CIB2: variants seen among roughly 807,000 people sequenced by gnomAD.
CIB2 encodes calcium and integrin binding family member 2.
A neutral mutation model predicts 23.1 loss-of-function variants in CIB2; 19 were observed. That is an observed-to-expected ratio of 0.82 (90% confidence interval 0.57 to 1.21). CIB2 has a LOEUF of 1.21. Among genes scored for constraint, CIB2 ranks in the 50% most tolerant of loss-of-function variants. The pLI is 0.00. For synonymous variants in CIB2, 94 were observed against 91.7 expected, an observed-to-expected ratio of 1.03 and a Z score of -0.14; for missense variants, 220 against 241.5, an observed-to-expected ratio of 0.91 and a Z score of 0.59.
Position 78,109,424 on chromosome 15 carries a change from A to T in CIB2, c.199-42T>A, listed in dbSNP as rs951339640. On this transcript the variant is annotated intron_variant, in intron 3 of 5. Transcript: ENST00000258930. Reference sequence around the variant, plus strand: ...CAGCAATCACTGTGGGTGCAGGATAAGCAGGAGGGCCCCGGAGCCAGACTG... The same window carrying T: ...CAGCAATCACTGTGGGTGCAGGATATGCAGGAGGGCCCCGGAGCCAGACTG... The T allele has an allele frequency of 3.7e-6, 6 of 1,612,182 alleles. No individual in the cohort carries two copies. The African/African-American group carries it at 6.7e-5, about 18-fold the overall frequency.
At chr15:78,128,621 GCGGA>G (rs1315605493) in intron 1 of CIB2, among the ~76,000 whole-genome samples, 1 of 151,620 alleles carries the variant, frequency 6.6e-6, no homozygotes, top group African/African-American at 2.4e-5. Flanking sequence ...GAGCTGGGAT[GCGGA>G]GGTTGCAGTG....
At chr15:78,122,034 A>T (rs1419542908) in intron 2 of CIB2, among the ~76,000 whole-genome samples, 2 of 152,010 alleles carry the variant, frequency 1.3e-5, no homozygotes, top group Admixed American at 6.6e-5. Context: ...TCTTTCACCC[A>T]CACACTCTTC....
intron 2 of CIB2, among the ~76,000 whole-genome samples, chr15:78,116,345 T>C (rs988376957): frequency 1.3e-5 from 2 of 151,804 alleles, no homozygotes; most frequent in Admixed American, 1.3e-4. Context: ...TATGTGCCTA[T>C]AGTCCCAGCT....
intron 2 of CIB2, among the ~76,000 whole-genome samples, chr15:78,119,764 G>C (rs1185812820): frequency 6.6e-6 from 1 of 151,870 alleles, no homozygotes; most frequent in Non-Finnish European, 1.5e-5. Context: ...GTAGAGTTGG[G>C]GTTTCACCAT....
At chr15:78,106,269 G>A (rs2074069548) in intron 4 of CIB2, among the ~76,000 whole-genome samples, 2 of 152,230 alleles carry the variant, frequency 1.3e-5, no homozygotes, top group Admixed American at 6.5e-5. Context: ...TGGACCCAGT[G>A]TTCCCTTTAG....
At position 78,131,289 on chromosome 15, in the gene CIB2, C is replaced by T; in HGVS notation, c.-74G>A. 1.7e-6 allele frequency: 2 copies of T among 1,181,794 alleles called. No homozygotes were observed. Among genetic ancestry groups the T allele is most frequent in the Non-Finnish European group, 2.1e-6 (2 of 946,340 alleles). The allele number at this position is 1,181,794 out of a possible 1,614,324, so 73.2% of individuals were successfully genotyped here. On this transcript the variant is annotated 5_prime_UTR_variant, in exon 1 of 6. Transcript: ENST00000258930. This position sits in a 1 kb window ranked among gnomAD's most constrained non-coding sequence, Gnocchi z 5.8. ...GCGGCCGCCAGACCCGGAGCCAGCGCCCCGTGCCCGCGGCCCTCGGCAGCC... is the reference window on the plus strand; with the variant it reads ...GCGGCCGCCAGACCCGGAGCCAGCGTCCCGTGCCCGCGGCCCTCGGCAGCC...
intron 4 of CIB2, among the ~76,000 whole-genome samples, chr15:78,106,448 G>A (rs1247983815): frequency 6.6e-6 from 1 of 152,188 alleles, no homozygotes; most frequent in East Asian, 1.9e-4. Context: ...CAGAAGACAC[G>A]GTGGGTCAGG....
In CIB2 at chr15:78,131,038, C is replaced by G; in HGVS notation, c.51+127G>C. ...CACCGGCCCAAGGTCACGCGTCGAG[C>G]TGAAGGCAGAGGCAGGGTTTGAACC... On this transcript the variant is annotated intron_variant, in intron 1 of 5. Transcript: ENST00000258930. This position sits in a 1 kb window ranked among gnomAD's most constrained non-coding sequence, Gnocchi z 5.8. 2 of 710,440 alleles carry G rather than the reference C, an allele frequency of 2.8e-6. No individual in the cohort carries two copies. Among genetic ancestry groups the G allele is most frequent in the Non-Finnish European group, 2.1e-6 (1 of 466,142 alleles). 44.0% of individuals were successfully genotyped at this position (710,440 alleles called of 1,614,324 possible).
chr15:78,124,176 T>A (rs529916108), intron 1 of CIB2, among the ~76,000 whole-genome samples: 1 of 152,040 alleles, frequency 6.6e-6, no homozygotes, highest in East Asian at 1.9e-4. Context: ...CTGAGCATGG[T>A]GCTAGGGGGG....
At position 78,109,394 on chromosome 15, in the gene CIB2, A is replaced by G. The variant is rs750033532; in HGVS notation, c.199-12T>C. On this transcript the variant is annotated splice_polypyrimidine_tract_variant and intron_variant, in intron 3 of 5. Coordinates refer to ENST00000258930, the MANE Select transcript of CIB2 (RefSeq NM_006383.4). ...TTGAAGGGATTCTCCTGAAGAAAACACACACAGCAATCACTGTGGGTGCAG... is the reference window on the plus strand; with the variant it reads ...TTGAAGGGATTCTCCTGAAGAAAACGCACACAGCAATCACTGTGGGTGCAG... The G allele has an allele frequency of 3.1e-6, 5 of 1,613,784 alleles. No individual in the cohort carries two copies. In the African/African-American group the frequency reaches 6.7e-5, roughly 22 times the overall value.
chr15:78,117,821 T>C (rs1483782214), intron 2 of CIB2, among the ~76,000 whole-genome samples: 14 of 152,330 alleles, frequency 9.2e-5, no homozygotes, highest in Middle Eastern at 3.4e-3. Flanking sequence ...CTTCAGACTC[T>C]TGGGTTATTC....
At chr15:78,111,030 C>T (rs1439792220) in intron 3 of CIB2, 135 bp downstream of exon 3, 50 of 751,002 alleles carry the variant, frequency 6.7e-5, no homozygotes, top group Non-Finnish European at 4.7e-6. Flanking sequence ...AACTGAGGCA[C>T]AGAGAGGTTC....
chr15:78,105,550 T>C, intron 5 of CIB2, 189 bp downstream of exon 5: 1 of 1,478,390 alleles, frequency 6.8e-7, no homozygotes, highest in Non-Finnish European at 8.9e-7. Context: ...GGCCCCCAGG[T>C]CTTCAACCTT....
chr15:78,118,836 C>T lies in CIB2; in HGVS notation c.86+4869G>A, dbSNP rs192034589. Among the ~76,000 whole-genome samples the T allele has an allele frequency of 2.3e-3, 344 of 152,142 alleles. 4 individuals carry two copies. Among genetic ancestry groups the T allele is most frequent in the African/African-American group, 8.0e-3 (332 of 41,510 alleles). ...CTGTACTAATCAATAAGTTCCCATT[C>T]CCCCTCCTCCCAGCCCCTGGCAACC... is the stretch of plus-strand genomic sequence containing the variant. On this transcript the variant is annotated intron_variant, in intron 2 of 5. Coordinates refer to ENST00000258930, the MANE Select transcript of CIB2 (RefSeq NM_006383.4).
chr15:78,118,349 T>TG (rs1357596529), intron 2 of CIB2, among the ~76,000 whole-genome samples: 1 of 152,094 alleles, frequency 6.6e-6, no homozygotes, highest in Non-Finnish European at 1.5e-5. Flanking sequence ...TCCCAGCACT[T>TG]TGGAAGCCCA....
intron 2 of CIB2, among the ~76,000 whole-genome samples, chr15:78,115,269 A>ATTTT (rs957013289): frequency 6.6e-6 from 1 of 152,020 alleles, no homozygotes; most frequent in Admixed American, 6.6e-5. Flanking sequence ...TTATTTATTT[A>ATTTT]TTTTTTGAGA....
intron 2 of CIB2, among the ~76,000 whole-genome samples, chr15:78,118,419 G>A (rs895820757): frequency 5.3e-5 from 8 of 151,844 alleles, no homozygotes; most frequent in Non-Finnish European, 1.2e-4. Flanking sequence ...GGTGAAACCC[G>A]TCTCTACTAA....
rs368347985 is a variant in CIB2, at chr15:78,104,780, T to G, written c.*531A>C. ...GAGGCAGAGACAGGAGCAAGAGCCC[T>G]TGGGCCCACTGCACCCACAGCTTCA... On this transcript the variant is annotated 3_prime_UTR_variant, in exon 6 of 6. Transcript: ENST00000258930. This position sits in a 1 kb window ranked among gnomAD's most constrained non-coding sequence, Gnocchi z 4.4. 1.2e-5 allele frequency: 2 copies of G among 162,636 alleles called. No homozygotes were observed. Among genetic ancestry groups the G allele is most frequent in the Non-Finnish European group, 2.7e-5 (2 of 73,300 alleles). The allele number at this position is 162,636 out of a possible 1,614,324, so 10.1% of individuals were successfully genotyped here. A position where few individuals can be genotyped will look rare whatever the true frequency, so the allele number is the denominator to read the frequency against.
intron 1 of CIB2, among the ~76,000 whole-genome samples, chr15:78,127,666 G>T (rs1160469765): frequency 6.6e-6 from 1 of 152,114 alleles, no homozygotes; most frequent in Non-Finnish European, 1.5e-5. Context: ...TCTCCTACAT[G>T]CCTGGTCTGC....
Sources: allele counts gnomAD v4.1 joint callset (sites outside exome capture counted in the v4.1 genomes callset), GRCh38; gene constraint gnomAD v4.1.1; non-coding constraint Gnocchi (gnomAD v3.1); transcripts MANE v1.5; gene names NCBI Gene and HGNC (gene_info 2026-07-23, HGNC 2026-07-21).